Variants in CEP250 observed in about 807,000 individuals in gnomAD.
CEP250 encodes the protein centrosome-associated protein CEP250.
Under a neutral mutation model 315.7 loss-of-function variants are expected in CEP250, and 242 were observed. The ratio of observed to expected loss-of-function variants is 0.77; its 90% CI spans 0.69 to 0.85. The LOEUF (loss-of-function observed/expected upper bound fraction) is 0.85, where lower values mean the gene tolerates loss of function less well. CEP250 is among the 40% of genes least tolerant of loss of function. The probability of loss-of-function intolerance (pLI) is 0.00; values close to 1 mark genes in which losing one functional copy is unlikely to be tolerated. For missense variants in CEP250, 2,515 were observed against 2,886.4 expected, an observed-to-expected ratio of 0.87 and a Z score of 2.95; for synonymous variants, 1,088 against 1,175.0, an observed-to-expected ratio of 0.93 and a Z score of 1.51.
Position 35,504,105 on chromosome 20 carries a change from G to A in CEP250, c.5736G>A (p.Glu1912=). 1 of 1,612,944 alleles carries A rather than the reference G, an allele frequency of 6.2e-7. No homozygotes were observed. The highest frequency in any genetic ancestry group is 8.5e-7 in the Non-Finnish European group (1 of 1,179,318). Reference sequence around the variant, plus strand: ...TGGCCCTCCAGCAGCAGTGTGCTGAGCAGGCACAGGAGCATGAGGTGGAGA... The same window carrying A: ...TGGCCCTCCAGCAGCAGTGTGCTGAACAGGCACAGGAGCATGAGGTGGAGA... ...ALLALQQQCA[E]QAQEHEVETR... The change falls in exon 30 of 35, where the codon GAG becomes GAA. Residue 1912 remains glutamate, a synonymous_variant. Coordinates refer to ENST00000397527, the MANE Select transcript of CEP250 (RefSeq NM_007186.6).
At chr20:35,508,309 TTAAG>T in intron 32 of CEP250, 119 bp downstream of exon 32, 1 of 1,154,648 alleles carries the variant, frequency 8.7e-7, no homozygotes, top group Non-Finnish European at 1.2e-6. Flanking sequence ...TTTCTGAAAA[TTAAG>T]TTTGTTTTTT....
rs144733773 is a variant in CEP250, at chr20:35,506,948, C to T, written c.6637-790C>T. ...ACTTCCCACCCATACTCTTGGGTTACTGAGCAGTATTCACTCAATAACATA... is the reference window on the plus strand; with the variant it reads ...ACTTCCCACCCATACTCTTGGGTTATTGAGCAGTATTCACTCAATAACATA... On this transcript the variant is annotated intron_variant, in intron 30 of 34. Coordinates refer to ENST00000397527, the MANE Select transcript of CEP250 (RefSeq NM_007186.6). 3.9e-5 allele frequency among the ~76,000 whole-genome samples: 6 copies of T among 152,322 alleles called. No homozygotes were observed. In the East Asian group the frequency reaches 7.7e-4, roughly 20 times the overall value.
intron 23 of CEP250, among the ~76,000 whole-genome samples, chr20:35,494,187 TG>T (rs1208837493): frequency 6.6e-6 from 1 of 152,010 alleles, no homozygotes; most frequent in Non-Finnish European, 1.5e-5. Context: ...TTGCCCAGAC[TG>T]ATCTCGAACT....
Position 35,490,733 on chromosome 20 carries a change from C to T in CEP250, c.2683C>T (p.Gln895Ter), listed in dbSNP as rs2063663681. The T allele has an allele frequency of 1.2e-6, 2 of 1,613,924 alleles. No individual in the cohort carries two copies. The highest frequency in any genetic ancestry group is 1.7e-6 in the Non-Finnish European group (2 of 1,179,978). ...GCTGGAAATGAGGCTAAAGGAGCAG[C>T]AGACAGAAATGGAGGCCATCCAGGC... ...MELEMRLKEQ[Q>*]TEMEAIQAQR... Residue 895 changes from glutamine (Q) to a stop codon, truncating the protein, a stop_gained, in exon 21 of 35, where the codon CAG becomes TAG. Coordinates refer to ENST00000397527, the MANE Select transcript of CEP250 (RefSeq NM_007186.6). LOFTEE classifies it high-confidence loss of function.
intron 2 of CEP250, among the ~76,000 whole-genome samples, chr20:35,458,673 G>A (rs1011946413): frequency 2.6e-5 from 4 of 152,116 alleles, no homozygotes; most frequent in Admixed American, 2.6e-4. Flanking sequence ...ATCTGATCTG[G>A]CAGTGTGTTT....
chr20:35,465,718 T>C, intron 5 of CEP250, 25 bp from the exon 6 acceptor site: 1 of 1,549,458 alleles, frequency 6.5e-7, no homozygotes, highest in South Asian at 1.2e-5. Flanking sequence ...TGGAGGTAAG[T>C]AAGGCTTGTC....
intron 33 of CEP250, 98 bp downstream of exon 33, chr20:35,509,142 A>C (rs2013996522): frequency 3.2e-6 from 3 of 947,078 alleles, no homozygotes; most frequent in Admixed American, 2.1e-5. Flanking sequence ...ACAGCACTTC[A>C]GCTAGTCCAG....
rs370589165 is a variant in CEP250, at chr20:35,476,449, G to A, written c.1717G>A (p.Ala573Thr). Residue 573 changes from alanine to threonine, a missense_variant and splice_region_variant, in exon 16 of 35, where the codon GCA becomes ACA. Transcript: ENST00000397527. ...CTCTTTAATCCTTTTTGTTTTTTAG[G>A]CAGAGCAGTCAATTGCAGAGCTGTC... Reference protein sequence around the residue: ...QTEVTAALARAEQSIAELSSS... With the variant: ...QTEVTAALARTEQSIAELSSS... 6.2e-7 allele frequency: 1 copy of A among 1,609,112 alleles called. No homozygotes were observed. The highest frequency in any genetic ancestry group is 2.2e-5 in the East Asian group (1 of 44,750).
chr20:35,458,673 G>T (rs1011946413), intron 2 of CEP250, among the ~76,000 whole-genome samples: 9 of 152,116 alleles, frequency 5.9e-5, no homozygotes, highest in Non-Finnish European at 1.3e-4. Context: ...ATCTGATCTG[G>T]CAGTGTGTTT....
rs374968290 is a variant in CEP250, at chr20:35,503,300, G to A, written c.4931G>A (p.Arg1644Lys). 18 of 1,614,066 alleles carry A rather than the reference G, an allele frequency of 1.1e-5. No individual in the cohort carries two copies. Among genetic ancestry groups the A allele is most frequent in the Non-Finnish European group, 1.5e-5 (18 of 1,180,046 alleles). ...CGAGAACAGATCGAGGAGCTGCAGA[G>A]GCAGAAAGAGCATCTGACTCAGGAT... ...SQREQIEELQ[R>K]QKEHLTQDLE... Residue 1644 changes from arginine to lysine, a missense_variant, in exon 30 of 35, where the codon AGG (arginine) becomes AAG (lysine). Coordinates refer to ENST00000397527, the MANE Select transcript of CEP250 (RefSeq NM_007186.6). This position sits in a 1 kb window ranked among gnomAD's most constrained non-coding sequence, Gnocchi z 4.2.
rs774560911 is a variant in CEP250 at position 35,477,956 on chromosome 20, C to T, written c.1949C>T (p.Ala650Val). Residue 650 changes from alanine to valine, a missense_variant, in exon 17 of 35, where the codon GCA becomes GTA. Ala to Val is a moderately conservative substitution (Grantham distance 64). Coordinates refer to ENST00000397527, the MANE Select transcript of CEP250 (RefSeq NM_007186.6). ...GCTTTGCAGGTCGACCTGGCGGAGG[C>T]AGAGAAGAGGAGGGAAGCCCTGTGG... ...RNALQVDLAE[A>V]EKRREALWEK... 1 of 1,612,702 alleles carries T rather than the reference C, an allele frequency of 6.2e-7. No homozygotes were observed. The highest frequency in any genetic ancestry group is 1.1e-5 in the South Asian group (1 of 90,698).
At position 35,504,242 on chromosome 20, in the gene CEP250, C is replaced by T; in HGVS notation, c.5873C>T (p.Ala1958Val). 1.2e-6 allele frequency: 2 copies of T among 1,603,222 alleles called. No individual in the cohort carries two copies. The highest frequency in any genetic ancestry group is 2.3e-5 in the East Asian group (1 of 44,352). Residue 1958 changes from alanine (A) to valine (V), a missense_variant, in exon 30 of 35, where the codon GCT becomes GTT. Coordinates refer to ENST00000397527, the MANE Select transcript of CEP250 (RefSeq NM_007186.6). Reference sequence around the variant, plus strand: ...CAGTCCTCCCGGCATCAGGAGGAGGCTGCCCGGGCCCGGGCTGAGGCTCTG... The same window carrying T: ...CAGTCCTCCCGGCATCAGGAGGAGGTTGCCCGGGCCCGGGCTGAGGCTCTG... Reference protein sequence around the residue: ...ESQSSRHQEEAARARAEALQE... With the variant: ...ESQSSRHQEEVARARAEALQE...
At position 35,490,709 on chromosome 20, in the gene CEP250, C is replaced by T. The variant is rs148435226; in HGVS notation, c.2659C>T (p.Leu887=). 3.8e-5 allele frequency: 61 copies of T among 1,613,818 alleles called. No individual in the cohort carries two copies. The highest frequency in any genetic ancestry group is 5.0e-5 in the Non-Finnish European group (59 of 1,179,992). The change falls in exon 21 of 35, where the codon CTG becomes TTG. Residue 887 remains leucine (L), a synonymous_variant. Transcript: ENST00000397527. ...LESLEREKME[L]EMRLKEQQTE... ...GAGCTTAGAAAGGGAAAAAATGGAG[C>T]TGGAAATGAGGCTAAAGGAGCAGCA...
Position 35,504,157 on chromosome 20 carries a change from C to T in CEP250, c.5788C>T (p.Gln1930Ter). Residue 1930 changes from glutamine (Q) to a stop codon, truncating the protein, a stop_gained, in exon 30 of 35, where the codon CAG becomes TAG. Coordinates refer to ENST00000397527, the MANE Select transcript of CEP250 (RefSeq NM_007186.6). LOFTEE classifies it high-confidence loss of function. ...ETRALQDSWL[Q>*]AQAVLKERDQ... ...CAGGGCCCTGCAGGACAGCTGGCTGCAGGCCCAGGCAGTGCTCAAGGAACG... is the reference window on the plus strand; with the variant it reads ...CAGGGCCCTGCAGGACAGCTGGCTGTAGGCCCAGGCAGTGCTCAAGGAACG... 3 of 1,614,006 alleles carry T rather than the reference C, an allele frequency of 1.9e-6. No homozygotes were observed. The highest frequency in any genetic ancestry group is 2.5e-6 in the Non-Finnish European group (3 of 1,179,948).
intron 31 of CEP250, 40 bp downstream of exon 31, chr20:35,507,891 G>T: frequency 6.2e-7 from 1 of 1,604,266 alleles, no homozygotes; most frequent in South Asian, 1.1e-5. Context: ...ACCCAGCAGG[G>T]AGCTCCTGTC....
Position 35,516,004 on chromosome 20 carries a change from T to A in CEP250, c.*4378T>A, listed in dbSNP as rs1212516735. ...TTACATCAGTAGCCTGGTCACAGGG[T>A]GGACACTCTGACCTCTTCTTAGCCT... On this transcript the variant is annotated 3_prime_UTR_variant, in exon 35 of 35. Coordinates refer to ENST00000397527, the MANE Select transcript of CEP250 (RefSeq NM_007186.6). 1 of 152,270 alleles carries A rather than the reference T, an allele frequency of 6.6e-6. No homozygotes were observed. The highest frequency in any genetic ancestry group is 1.5e-5 in the Non-Finnish European group (1 of 68,078). The allele number at this position is 152,270 out of a possible 1,614,324, so 9.4% of individuals were successfully genotyped here.
intron 15 of CEP250, chr20:35,476,174 T>A (rs1205321449): frequency 2.2e-5 from 7 of 320,926 alleles, no homozygotes; most frequent in Non-Finnish European, 4.1e-5. Flanking sequence ...ATATTAATAT[T>A]TTTTTTAGTT....
chr20:35,488,038 G>A (rs2063568016), intron 20 of CEP250, among the ~76,000 whole-genome samples: 1 of 152,166 alleles, frequency 6.6e-6, no homozygotes, highest in Non-Finnish European at 1.5e-5. Context: ...CACCAACATG[G>A]TTGCTTTCTT....
At chr20:35,470,637 C>T (rs1162865158) in intron 10 of CEP250, among the ~76,000 whole-genome samples, 2 of 152,124 alleles carry the variant, frequency 1.3e-5, no homozygotes, top group Admixed American at 6.6e-5. Context: ...CCTATAAACC[C>T]AGCTGCTCGG....
Sources: allele counts gnomAD v4.1 joint callset (sites outside exome capture counted in the v4.1 genomes callset), GRCh38; gene constraint gnomAD v4.1.1; non-coding constraint Gnocchi (gnomAD v3.1); transcripts MANE v1.5; gene names NCBI Gene and HGNC (gene_info 2026-07-23, HGNC 2026-07-21).